The following FAM107A variants were observed in gnomAD, a reference collection of about 807,000 sequenced individuals.
FAM107A encodes actin-associated protein FAM107A.
FAM107A carries 19 observed loss-of-function variants against 13.7 expected under a neutral mutation model. That is an observed-to-expected ratio of 1.38 (90% confidence interval 0.97 to 2.03). The LOEUF (loss-of-function observed/expected upper bound fraction) is 2.03. FAM107A is among the 30% of genes most tolerant of loss of function. The pLI is 0.00. For missense variants in FAM107A, 203 were observed against 184.4 expected, an observed-to-expected ratio of 1.10 and a Z score of -0.58; for synonymous variants, 82 against 74.5, an observed-to-expected ratio of 1.10 and a Z score of -0.52.
At chr3:58,596,106 G>A (rs934408481) in intron 1 of FAM107A, among the ~76,000 whole-genome samples, 1 of 152,212 alleles carries the variant, frequency 6.6e-6, no homozygotes, top group African/African-American at 2.4e-5. Flanking sequence ...AAAGACATCT[G>A]CATTCCTCCT....
rs184692576 is a variant in FAM107A at position 58,571,553 on chromosome 3, A to G, written c.-5-1688T>C. On this transcript the variant is annotated intron_variant, in intron 1 of 3. Transcript: ENST00000360997. The stretch of plus-strand genomic sequence containing the variant: ...ATAATAGTACTTAGAGTTACTTTAA[A>G]ATGGGCACTCGACAAAATACATAGT... Among the ~76,000 whole-genome samples the G allele has an allele frequency of 8.1e-4, 123 of 152,252 alleles. No homozygotes were observed. The Middle Eastern group carries it at 0.014, about 17-fold the overall frequency.
chr3:58,591,445 G>A (rs573749535), upstream of FAM107A, among the ~76,000 whole-genome samples: 5 of 152,222 alleles, frequency 3.3e-5, no homozygotes, highest in South Asian at 1.0e-3. This position sits in a 1 kb window ranked among gnomAD's most constrained non-coding sequence, Gnocchi z 4.3. Flanking sequence ...CCGAAGTGGA[G>A]GGAACACTGG....
In FAM107A at chr3:58,567,243, G is replaced by C; in HGVS notation, c.292C>G (p.Gln98Glu). Residue 98 changes from glutamine to glutamate, a missense_variant, in exon 3 of 4, where the codon CAG becomes GAG. By Grantham distance (29) the Gln-to-Glu change is conservative. Transcript: ENST00000360997. ...CTCTGCTGCCGTCTCAGCAGCTCCTGCTCAAAGGGGCACTGCAGCCGCTTG... is the reference window on the plus strand; with the variant it reads ...CTCTGCTGCCGTCTCAGCAGCTCCTCCTCAAAGGGGCACTGCAGCCGCTTG... ...EAKRLQCPFE[Q>E]ELLRRQQRLN... 6.2e-7 allele frequency: 1 copy of C among 1,614,156 alleles called. No homozygotes were observed. The highest frequency in any genetic ancestry group is 8.5e-7 in the Non-Finnish European group (1 of 1,180,028).
chr3:58,585,260 G>A (rs540475501), intron 1 of FAM107A, among the ~76,000 whole-genome samples: 1 of 152,356 alleles, frequency 6.6e-6, no homozygotes, highest in South Asian at 2.1e-4. Flanking sequence ...ATCGAGAACT[G>A]GGTGGGGACA....
At chr3:58,596,751 C>A (rs2065711226) in intron 1 of FAM107A, among the ~76,000 whole-genome samples, 1 of 151,780 alleles carries the variant, frequency 6.6e-6, no homozygotes, top group Non-Finnish European at 1.5e-5. Flanking sequence ...TATGTGTTCA[C>A]ACACATAACC....
intron 1 of FAM107A, among the ~76,000 whole-genome samples, chr3:58,606,064 G>C (rs564020095): frequency 3.9e-5 from 6 of 152,252 alleles, no homozygotes; most frequent in African/African-American, 1.4e-4. Flanking sequence ...GGAGGTCATT[G>C]CTCTTTGCAT....
intron 1 of FAM107A, among the ~76,000 whole-genome samples, chr3:58,596,415 C>T (rs373731894): frequency 2.0e-5 from 3 of 151,772 alleles, no homozygotes; most frequent in Non-Finnish European, 4.4e-5. Context: ...CGGTGGCTCA[C>T]GCCTGTAATC....
intron 2 of FAM107A, among the ~76,000 whole-genome samples, 192 bp from the exon 3 acceptor site, chr3:58,567,556 G>C (rs1055207312): frequency 6.6e-5 from 10 of 152,202 alleles, no homozygotes; most frequent in African/African-American, 2.4e-4. Flanking sequence ...GAAGATACCA[G>C]TCCAAGACAT....
upstream of FAM107A, chr3:58,577,467 C>G (rs369312652): frequency 1.9e-3 from 1,881 of 985,328 alleles, 5 homozygotes; most frequent in Non-Finnish European, 2.0e-3. The surrounding 1 kb of genome is among the most constrained non-coding windows in gnomAD (Gnocchi z 4.9). Context: ...AGTGAGACAG[C>G]CTTTGCATTC....
At chr3:58,590,669 C>T (rs562462615), upstream of FAM107A, among the ~76,000 whole-genome samples, 8 of 152,276 alleles carry the variant, frequency 5.3e-5, no homozygotes, top group African/African-American at 1.9e-4. Flanking sequence ...AAGGAAGTGC[C>T]ACACTTTAAA....
intron 1 of FAM107A, among the ~76,000 whole-genome samples, chr3:58,599,712 T>A (rs1332094237): frequency 1.0e-5 from 1 of 97,078 alleles, no homozygotes; most frequent in African/African-American, 5.2e-5. Flanking sequence ...TTTTTTTTTT[T>A]TTTTTTTTTT....
intron 1 of FAM107A, among the ~76,000 whole-genome samples, chr3:58,583,064 G>A (rs979177131): frequency 2.0e-5 from 3 of 152,192 alleles, no homozygotes; most frequent in African/African-American, 4.8e-5. Flanking sequence ...CTCGCAGAGC[G>A]TTGGGATTAC....
chr3:58,598,501 C>T (rs146701336), intron 1 of FAM107A, among the ~76,000 whole-genome samples: 71 of 152,272 alleles, frequency 4.7e-4, no homozygotes, highest in African/African-American at 1.6e-3. Context: ...GAGCCACCCA[C>T]CCCCCAGCAG....
chr3:58,587,193 C>G, upstream of FAM107A: 1 of 1,102,018 alleles, frequency 9.1e-7, no homozygotes, highest in Non-Finnish European at 1.2e-6. Context: ...GTGAGGACTC[C>G]TAGCCCCGAG....
At chr3:58,592,659 C>T (rs1020566626) in intron 1 of FAM107A, among the ~76,000 whole-genome samples, 2 of 152,206 alleles carry the variant, frequency 1.3e-5, no homozygotes, top group African/African-American at 4.8e-5. Context: ...CTTCATACCC[C>T]TTACCATCCT....
intron 1 of FAM107A, among the ~76,000 whole-genome samples, chr3:58,626,133 C>T (rs755953815): frequency 6.6e-6 from 1 of 152,136 alleles, no homozygotes; most frequent in Non-Finnish European, 1.5e-5. Flanking sequence ...ATGGCAGTAC[C>T]GGGTCGTTGT....
In FAM107A at chr3:58,569,514, C is replaced by A. The variant is rs1577019690; in HGVS notation, c.170+177G>T. 6.6e-6 allele frequency among the ~76,000 whole-genome samples: 1 copy of A among 152,286 alleles called. No individual in the cohort carries two copies. On this transcript the variant is annotated intron_variant, in intron 2 of 3. Transcript: ENST00000360997. This position sits in a 1 kb window ranked among gnomAD's most constrained non-coding sequence, Gnocchi z 5.7. Reference sequence around the variant, plus strand: ...TTTGGTCCCTCTGGTTCCCAGGGACCCACTGGGGACAGGGTCTTTACAGGT... The same window carrying A: ...TTTGGTCCCTCTGGTTCCCAGGGACACACTGGGGACAGGGTCTTTACAGGT...
rs564756727 is a variant in FAM107A, at chr3:58,596,535, C to T, written c.-69-7266G>A. Among the ~76,000 whole-genome samples the T allele has an allele frequency of 9.2e-5, 14 of 152,030 alleles. No individual in the cohort carries two copies. In the East Asian group the frequency reaches 1.4e-3, roughly 15 times the overall value. On this transcript the variant is annotated intron_variant, in intron 1 of 3. Coordinates refer to the FAM107A transcript ENST00000465970. ...TCTACTAAAAATACAAAAAATTAGC[C>T]GGACCTGGTGATGGGTGCCTGTAAT... is the stretch of plus-strand genomic sequence containing the variant.
rs2065873158 is a variant in FAM107A at position 58,613,468 on chromosome 3, A to T, written c.-70+13948T>A. Among the ~76,000 whole-genome samples, 1 of 151,380 alleles carries T rather than the reference A, an allele frequency of 6.6e-6. No individual in the cohort carries two copies. The stretch of plus-strand genomic sequence containing the variant: ...GCCCCTGTGTCCTCTCTCTTACAGT[A>T]CTCACCCCTCATCCTGCCCTGCCCA... On this transcript the variant is annotated intron_variant, in intron 1 of 3. Coordinates refer to the FAM107A transcript ENST00000465970. The surrounding 1 kb of genome is among the most constrained non-coding windows in gnomAD (Gnocchi z 4.6).
Sources: allele counts gnomAD v4.1 joint callset (sites outside exome capture counted in the v4.1 genomes callset), GRCh38; gene constraint gnomAD v4.1.1; non-coding constraint Gnocchi (gnomAD v3.1); transcripts MANE v1.5; gene names NCBI Gene and HGNC (gene_info 2026-07-23, HGNC 2026-07-21).